The following GNG4 variants were observed in gnomAD, a reference collection of about 807,000 sequenced individuals.
GNG4 encodes guanine nucleotide-binding protein G(I)/G(S)/G(O) subunit gamma-4.
Under a neutral mutation model 5.8 loss-of-function variants are expected in GNG4, and 4 were observed. The ratio of observed to expected loss-of-function variants is 0.69; its 90% CI spans 0.34 to 1.57. GNG4 has a LOEUF of 1.57. Ranked by LOEUF, GNG4 falls within the 40% of genes most tolerant of loss-of-function variation. The probability of loss-of-function intolerance (pLI) is 0.06; values close to 1 mark genes in which losing one functional copy is unlikely to be tolerated. For missense variants in GNG4, 96 were observed against 95.1 expected (o/e 1.01, Z -0.04); for synonymous variants, 29 against 32.9 (o/e 0.88, Z 0.41).
At chr1:235,593,855 G>A (rs531342077) in intron 2 of GNG4, among the ~76,000 whole-genome samples, 15 of 152,326 alleles carry the variant, frequency 9.8e-5, no homozygotes, top group African/African-American at 3.1e-4. Context: ...GGCAGTGGGG[G>A]CCCAGAGTGA....
chr1:235,609,639 G>A (rs189242388), intron 1 of GNG4, among the ~76,000 whole-genome samples: 6 of 152,210 alleles, frequency 3.9e-5, no homozygotes, highest in East Asian at 3.9e-4. Context: ...CTGGCCGGGC[G>A]CAGTGGCTCA....
At chr1:235,606,497 G>A (rs531062081) in intron 1 of GNG4, among the ~76,000 whole-genome samples, 5 of 152,286 alleles carry the variant, frequency 3.3e-5, no homozygotes, top group African/African-American at 1.2e-4. Context: ...CAGGGGATGT[G>A]GTTAGGATCT....
chr1:235,643,036 G>A (rs1657382565), intron 1 of GNG4, among the ~76,000 whole-genome samples: 1 of 152,098 alleles, frequency 6.6e-6, no homozygotes, highest in South Asian at 2.1e-4. Flanking sequence ...CTGACGCTGG[G>A]GCCGGGGCAC....
chr1:235,551,764 A>T lies in GNG4; in HGVS notation c.*345T>A, dbSNP rs589175. ...GATATTTAGGCATAGTTTTTTTTTTAAAATAAATTATCCACTGAAATGTAT... is the reference window on the plus strand; with the variant it reads ...GATATTTAGGCATAGTTTTTTTTTTTAAATAAATTATCCACTGAAATGTAT... On this transcript the variant is annotated 3_prime_UTR_variant, in exon 4 of 4. Coordinates refer to ENST00000391854, the MANE Select transcript of GNG4 (RefSeq NM_001098722.2). 0.74 allele frequency: 114,704 copies of T among 154,358 alleles called. 42,719 individuals carry two copies. Among genetic ancestry groups the T allele is most frequent in the African/African-American group, 0.85 (33,964 of 40,068 alleles). 9.6% of individuals were successfully genotyped at this position (154,358 alleles called of 1,614,324 possible).
At chr1:235,617,906 AAAG>A in intron 1 of GNG4, among the ~76,000 whole-genome samples, 1 of 151,494 alleles carries the variant, frequency 6.6e-6, no homozygotes, top group African/African-American at 2.4e-5. Flanking sequence ...AAAAAAAAAA[AAAG>A]AAAGAAAAGA....
At chr1:235,557,791 G>A (rs1426986091) in intron 3 of GNG4, among the ~76,000 whole-genome samples, 7 of 152,120 alleles carry the variant, frequency 4.6e-5, no homozygotes, top group African/African-American at 7.2e-5. Context: ...GGCTTCGGGG[G>A]ACAGCTCAGT....
intron 1 of GNG4, among the ~76,000 whole-genome samples, chr1:235,646,140 G>A (rs1164209860): frequency 2.0e-5 from 3 of 152,200 alleles, no homozygotes; most frequent in Non-Finnish European, 2.9e-5. Flanking sequence ...CAGAGCACAT[G>A]TGTCACACCA....
intron 3 of GNG4, among the ~76,000 whole-genome samples, chr1:235,576,886 T>C (rs1478930743): frequency 6.6e-6 from 1 of 152,220 alleles, no homozygotes; most frequent in Non-Finnish European, 1.5e-5. Context: ...CTTGTGCTTT[T>C]GTGCAAATGG....
chr1:235,614,352 G>A (rs577180465), intron 1 of GNG4, among the ~76,000 whole-genome samples: 1 of 150,948 alleles, frequency 6.6e-6, no homozygotes, highest in Non-Finnish European at 1.5e-5. Flanking sequence ...AGCAGCTTTT[G>A]GTTTCATTGA....
intron 1 of GNG4, among the ~76,000 whole-genome samples, chr1:235,636,753 T>C (rs759906350): frequency 6.6e-5 from 10 of 152,158 alleles, no homozygotes; most frequent in Non-Finnish European, 1.5e-4. Flanking sequence ...GATGCCCCAG[T>C]GTTGTACTTC....
chr1:235,587,648 A>AGG (rs1687841471), intron 2 of GNG4, among the ~76,000 whole-genome samples: 3 of 1,926 alleles, frequency 1.6e-3, no homozygotes, highest in African/African-American at 5.8e-3. Flanking sequence ...TGAGTGTGGG[A>AGG]GGGTGTTGGG....
At chr1:235,572,837 T>C (rs1181325665) in intron 3 of GNG4, among the ~76,000 whole-genome samples, 1 of 152,048 alleles carries the variant, frequency 6.6e-6, no homozygotes, top group Non-Finnish European at 1.5e-5. Flanking sequence ...GGGACCACCG[T>C]CATATATGCA....
chr1:235,601,058 A>G (rs1688248091), intron 1 of GNG4, among the ~76,000 whole-genome samples: 1 of 152,194 alleles, frequency 6.6e-6, no homozygotes, highest in Non-Finnish European at 1.5e-5. Flanking sequence ...TCTTAAATGG[A>G]GCTAAATTAA....
intron 3 of GNG4, among the ~76,000 whole-genome samples, chr1:235,576,794 C>G (rs1687494350): frequency 6.6e-6 from 1 of 152,136 alleles, no homozygotes; most frequent in Non-Finnish European, 1.5e-5. Context: ...CTGAACCACA[C>G]TGTGTGTGGG....
chr1:235,599,607 C>T (rs1688209279), intron 1 of GNG4, among the ~76,000 whole-genome samples: 1 of 152,162 alleles, frequency 6.6e-6, no homozygotes, highest in South Asian at 2.1e-4. Context: ...TGAGGCATTG[C>T]ACCCAGCCGA....
At position 235,648,151 on chromosome 1, in the gene GNG4, G is replaced by A. The variant is rs566180699; in HGVS notation, c.-123+1511C>T. 1.3e-5 allele frequency among the ~76,000 whole-genome samples: 2 copies of A among 152,062 alleles called. No homozygotes were observed. The highest frequency in any genetic ancestry group is 6.5e-5 in the Admixed American group (1 of 15,272). The stretch of plus-strand genomic sequence containing the variant: ...ACATCCTCCACTGGCTTCCTTGGGC[G>A]AATTTTAAGGCCTATGAGCACTGGA... On this transcript the variant is annotated intron_variant, in intron 1 of 3. Coordinates refer to ENST00000391854, the MANE Select transcript of GNG4 (RefSeq NM_001098722.2). This position sits in a 1 kb window ranked among gnomAD's most constrained non-coding sequence, Gnocchi z 5.0.
At chr1:235,553,050 T>A (rs1361030433) in intron 3 of GNG4, among the ~76,000 whole-genome samples, 1 of 110,286 alleles carries the variant, frequency 9.1e-6, no homozygotes, top group Non-Finnish European at 1.8e-5. Flanking sequence ...TGAGCCACCG[T>A]GCCCAGCCAG....
At chr1:235,632,612 G>A (rs191652849) in intron 1 of GNG4, among the ~76,000 whole-genome samples, 10 of 152,260 alleles carry the variant, frequency 6.6e-5, no homozygotes, top group Admixed American at 5.9e-4. Flanking sequence ...GTATGACTTT[G>A]AACAAGGTTT....
chr1:235,591,193 G>A (rs997314924), intron 2 of GNG4, among the ~76,000 whole-genome samples: 38 of 152,184 alleles, frequency 2.5e-4, no homozygotes, highest in African/African-American at 8.9e-4. Context: ...AGGAGTGGAA[G>A]GAAGCACTGC....
Sources: allele counts gnomAD v4.1 joint callset (sites outside exome capture counted in the v4.1 genomes callset), GRCh38; gene constraint gnomAD v4.1.1; non-coding constraint Gnocchi (gnomAD v3.1); transcripts MANE v1.5; gene names NCBI Gene and HGNC (gene_info 2026-07-23, HGNC 2026-07-21).